Variants in CNGB3 observed in about 807,000 individuals in gnomAD.
The protein encoded by CNGB3 is cyclic nucleotide-gated channel beta-3.
In CNGB3, 86 loss-of-function variants were observed where a neutral mutation model predicts 92.8. That is an observed-to-expected ratio of 0.93 (90% CI 0.78 to 1.11). The LOEUF (loss-of-function observed/expected upper bound fraction) is 1.11, where lower values mean the gene tolerates loss of function less well. CNGB3 is among the 50% of genes least tolerant of loss of function. CNGB3 has a pLI of 0.00. For synonymous variants in CNGB3, 333 were observed against 332.7 expected (o/e 1.00, Z -0.01); for missense variants, 1,026 against 956.8 (o/e 1.07, Z -0.95).
At chr8:86,591,828 C>T (rs1372775820) in intron 15 of CNGB3, among the ~76,000 whole-genome samples, 1 of 152,194 alleles carries the variant, frequency 6.6e-6, no homozygotes, top group Non-Finnish European at 1.5e-5. Context: ...GTGGAGCCTA[C>T]AGAGGCAGGC....
At chr8:86,738,019 A>T (rs1371362550) in intron 2 of CNGB3, among the ~76,000 whole-genome samples, 3 of 152,218 alleles carry the variant, frequency 2.0e-5, no homozygotes, top group Non-Finnish European at 2.9e-5. Flanking sequence ...GGGCTAGTAA[A>T]AGCTCAATTG....
At position 86,626,009 on chromosome 8, in the gene CNGB3, T is replaced by C. The variant is rs901549827; in HGVS notation, c.1552A>G (p.Ile518Val). ...TTGAACAAGTCGACTTTGCTGATGA[T>C]GCTGAAGTTCACATCAATGGCGAGG... ...LALAIDVNFS[I>V]ISKVDLFKGC... The change falls in exon 13 of 18, where the codon ATC becomes GTC. Residue 518 changes from isoleucine to valine, a missense_variant. By Grantham distance (29) the Ile-to-Val change is conservative. Coordinates refer to ENST00000320005, the MANE Select transcript of CNGB3 (RefSeq NM_019098.5). 1.9e-6 allele frequency: 3 copies of C among 1,613,754 alleles called. No homozygotes were observed. In the Admixed American group the frequency reaches 5.0e-5, roughly 27 times the overall value.
chr8:86,715,082 G>A (rs1824825575), intron 3 of CNGB3, among the ~76,000 whole-genome samples: 1 of 152,040 alleles, frequency 6.6e-6, no homozygotes, highest in African/African-American at 2.4e-5. Flanking sequence ...GACAAAAGAC[G>A]TAATATCTTG....
intron 6 of CNGB3, chr8:86,660,720 C>A: frequency 1.9e-6 from 1 of 528,552 alleles, no homozygotes; most frequent in South Asian, 1.4e-5. Flanking sequence ...AGTGCTCCCC[C>A]ATCCAATACA....
intron 3 of CNGB3, among the ~76,000 whole-genome samples, chr8:86,696,928 T>C (rs1461363187): frequency 6.6e-6 from 1 of 152,192 alleles, no homozygotes; most frequent in Non-Finnish European, 1.5e-5. Flanking sequence ...AGTTATAGTA[T>C]ATTATTTGCA....
rs753730493 is a variant in CNGB3 at position 86,659,295 on chromosome 8, A to C, written c.853-5233T>G. On this transcript the variant is annotated intron_variant, in intron 6 of 17. Coordinates refer to ENST00000320005, the MANE Select transcript of CNGB3 (RefSeq NM_019098.5). Reference sequence around the variant, plus strand: ...TTTCAGCAACTCCATAACCTGCCCCAGGTGTGCTTCCAGCTGTGCCTGCTC... The same window carrying C: ...TTTCAGCAACTCCATAACCTGCCCCCGGTGTGCTTCCAGCTGTGCCTGCTC... 2.0e-5 allele frequency: 21 copies of C among 1,033,360 alleles called. No individual in the cohort carries two copies. The Middle Eastern group carries it at 6.9e-4, about 34-fold the overall frequency. The allele number at this position is 1,033,360 out of a possible 1,614,324, so 64.0% of individuals were successfully genotyped here.
intron 3 of CNGB3, among the ~76,000 whole-genome samples, chr8:86,721,651 G>A (rs1056429621): frequency 1.3e-5 from 2 of 152,108 alleles, no homozygotes; most frequent in Non-Finnish European, 2.9e-5. Flanking sequence ...ATTTCAATAT[G>A]GGGCTAAAAG....
At chr8:86,643,221 A>C (rs1329401450) in intron 10 of CNGB3, among the ~76,000 whole-genome samples, 1 of 151,494 alleles carries the variant, frequency 6.6e-6, no homozygotes, top group East Asian at 1.9e-4. Context: ...CAGCTTAAAA[A>C]TTTTTATTTA....
intron 13 of CNGB3, 26 bp downstream of exon 13, chr8:86,625,957 A>C (rs751357785): frequency 6.5e-7 from 1 of 1,527,848 alleles, no homozygotes. Flanking sequence ...ATAGATACAG[A>C]GTCTATTAAT....
chr8:86,637,759 C>T (rs1455283213), intron 10 of CNGB3, among the ~76,000 whole-genome samples: 4 of 152,062 alleles, frequency 2.6e-5, no homozygotes, highest in Non-Finnish European at 1.5e-5. Flanking sequence ...AGAAATGCTA[C>T]TGATTTTTGT....
chr8:86,672,015 T>C (rs1823870968), intron 3 of CNGB3, among the ~76,000 whole-genome samples: 1 of 152,244 alleles, frequency 6.6e-6, no homozygotes, highest in Non-Finnish European at 1.5e-5. Context: ...TGGGTGTTGT[T>C]TTAAATCACT....
At chr8:86,577,606 T>A (rs1406431811) in intron 17 of CNGB3, among the ~76,000 whole-genome samples, 2 of 152,240 alleles carry the variant, frequency 1.3e-5, no homozygotes, top group African/African-American at 2.4e-5. Flanking sequence ...TATAACTTTG[T>A]TTCATGTGTG....
intron 4 of CNGB3, among the ~76,000 whole-genome samples, chr8:86,668,891 C>A (rs374119476): frequency 6.6e-6 from 1 of 152,016 alleles, no homozygotes; most frequent in Non-Finnish European, 1.5e-5. Context: ...TGGTGGTGCA[C>A]GCCTGTAGTC....
intron 15 of CNGB3, among the ~76,000 whole-genome samples, chr8:86,586,492 C>T (rs1821896994): frequency 7.7e-6 from 1 of 129,708 alleles, no homozygotes; most frequent in African/African-American, 2.8e-5. Flanking sequence ...CCCCCTCCCC[C>T]CACCACACAA....
At chr8:86,626,448 C>T (rs1052750852) in intron 12 of CNGB3, among the ~76,000 whole-genome samples, 1 of 152,144 alleles carries the variant, frequency 6.6e-6, no homozygotes, top group Non-Finnish European at 1.5e-5. Context: ...TGATTCCAGC[C>T]TTAGCATTCA....
intron 15 of CNGB3, among the ~76,000 whole-genome samples, chr8:86,586,325 TA>T (rs199954206): frequency 0.054 from 4,357 of 81,412 alleles, 118 homozygotes; most frequent in East Asian, 0.098. Context: ...TAATAGATAA[TA>T]TTTTTTTTTA....
chr8:86,711,975 A>T (rs1824759841), intron 3 of CNGB3, among the ~76,000 whole-genome samples: 1 of 151,960 alleles, frequency 6.6e-6, no homozygotes, highest in South Asian at 2.1e-4. Context: ...TACCAGGATC[A>T]CTGTTTTACT....
chr8:86,736,902 T>C (rs1225992847), intron 2 of CNGB3, among the ~76,000 whole-genome samples: 1 of 152,218 alleles, frequency 6.6e-6, no homozygotes, highest in East Asian at 1.9e-4. Flanking sequence ...ATCCTAAATA[T>C]TTAAAATCAC....
intron 13 of CNGB3, among the ~76,000 whole-genome samples, chr8:86,622,539 T>C (rs1822760477): frequency 6.6e-6 from 1 of 152,176 alleles, no homozygotes; most frequent in South Asian, 2.1e-4. Flanking sequence ...TTATGCTTCT[T>C]CCTAATCAAT....
Sources: allele counts gnomAD v4.1 joint callset (sites outside exome capture counted in the v4.1 genomes callset), GRCh38; gene constraint gnomAD v4.1.1; transcripts MANE v1.5; gene names NCBI Gene and HGNC (gene_info 2026-07-23, HGNC 2026-07-21).